The following LAMC1 variants were observed in gnomAD, a reference collection of about 807,000 sequenced individuals.
The protein encoded by LAMC1 is laminin subunit gamma-1.
In LAMC1, 38 loss-of-function variants were observed where a neutral mutation model predicts 173.6. The ratio of observed to expected loss-of-function variants is 0.22; its 90% CI spans 0.17 to 0.29. The LOEUF is 0.29. Among genes scored for constraint, LAMC1 ranks in the 10% least tolerant of loss-of-function variants. The probability of loss-of-function intolerance (pLI) is 1.00; values close to 1 mark genes in which losing one functional copy is unlikely to be tolerated. For synonymous variants in LAMC1, 746 were observed against 749.1 expected (o/e 1.00, Z 0.07); for missense variants, 1,824 against 2,051.8 (o/e 0.89, Z 2.14).
chr1:183,124,587 G>A, intron 13 of LAMC1, 44 bp from the exon 14 acceptor site: 3 of 1,611,492 alleles, frequency 1.9e-6, no homozygotes, highest in Non-Finnish European at 2.5e-6. Context: ...CACCAAAAAT[G>A]TCTAAGGCCT....
chr1:183,133,417 C>A lies in LAMC1; in HGVS notation c.3716C>A (p.Ala1239Glu), dbSNP rs570356361. Residue 1239 changes from alanine (A) to glutamate (E), a missense_variant, in exon 22 of 28, where the codon GCG becomes GAG. Ala to Glu is a moderately radical substitution (Grantham distance 107). Transcript: ENST00000258341. ...TATTTGTGTCTTAGGTATGAACAAG[C>A]GAAGAACATCTCACAGGATCTGGAA... ...IEELNRKYEQAKNISQDLEKQ... is the reference protein window; with the variant it reads ...IEELNRKYEQEKNISQDLEKQ... 1.2e-5 allele frequency: 19 copies of A among 1,613,236 alleles called. No individual in the cohort carries two copies. Among genetic ancestry groups the A allele is most frequent in the East Asian group, 8.9e-5 (4 of 44,856 alleles).
rs1226336319 is a variant in LAMC1, at chr1:183,122,237, C to T, written c.2387C>T (p.Pro796Leu). Residue 796 changes from proline to leucine, a missense_variant, in exon 13 of 28, where the codon CCT (proline) becomes CTT (leucine). Physicochemically the swap from Pro to Leu is moderately conservative, Grantham distance 98. Coordinates refer to ENST00000258341, the MANE Select transcript of LAMC1 (RefSeq NM_002293.4). ...KTKEVVCTNC[P>L]TGTTGKRCEL... ...AAGGAGGTGGTGTGCACCAACTGTCCTACTGGCACCACTGGTAAGTCTGCT... is the reference window on the plus strand; with the variant it reads ...AAGGAGGTGGTGTGCACCAACTGTCTTACTGGCACCACTGGTAAGTCTGCT... The T allele has an allele frequency of 6.2e-7, 1 of 1,614,044 alleles. No individual in the cohort carries two copies. Among genetic ancestry groups the T allele is most frequent in the South Asian group, 1.1e-5 (1 of 91,062 alleles).
Position 183,145,030 on chromosome 1 carries a change from T to C in LAMC1, c.*2240T>C, listed in dbSNP as rs1184377280. 6.6e-6 allele frequency: 1 copy of C among 152,192 alleles called. No homozygotes were observed. The highest frequency in any genetic ancestry group is 1.9e-4 in the East Asian group (1 of 5,198). 9.4% of individuals were successfully genotyped at this position (152,192 alleles called of 1,614,324 possible). ...CGTCATTGTTTCCTGGCTAGTTCAT[T>C]TCATTAAGTGGCTACATCCTAACAT... On this transcript the variant is annotated 3_prime_UTR_variant, in exon 28 of 28. Coordinates refer to ENST00000258341, the MANE Select transcript of LAMC1 (RefSeq NM_002293.4).
Position 183,108,418 on chromosome 1 carries a change from A to G in LAMC1, c.854+12A>G, listed in dbSNP as rs1656049628. On this transcript the variant is annotated intron_variant, in intron 3 of 27. Coordinates refer to ENST00000258341, the MANE Select transcript of LAMC1 (RefSeq NM_002293.4). ...GCTGTAGGTGGCAGGTAAGTAAACTATTAAATTAGTCTTGAAAGTGTTTGG... is the reference window on the plus strand; with the variant it reads ...GCTGTAGGTGGCAGGTAAGTAAACTGTTAAATTAGTCTTGAAAGTGTTTGG... 1.2e-6 allele frequency: 2 copies of G among 1,608,212 alleles called. No homozygotes were observed. The highest frequency in any genetic ancestry group is 1.7e-5 in the Admixed American group (1 of 59,350).
chr1:183,079,108 T>G (rs960454605), intron 1 of LAMC1, among the ~76,000 whole-genome samples: 15 of 152,112 alleles, frequency 9.9e-5, no homozygotes, highest in African/African-American at 3.1e-4. Flanking sequence ...ACATTATTTT[T>G]AGACAGAACC....
intron 22 of LAMC1, among the ~76,000 whole-genome samples, chr1:183,134,165 G>A (rs1232291686): frequency 6.6e-6 from 1 of 151,674 alleles, no homozygotes; most frequent in Non-Finnish European, 1.5e-5. Flanking sequence ...TATTTTTTTT[G>A]CATTAAGCTT....
At position 183,098,340 on chromosome 1, in the gene LAMC1, G is replaced by A. The variant is rs577442590; in HGVS notation, c.419-4988G>A. On this transcript the variant is annotated intron_variant, in intron 1 of 27. Transcript: ENST00000258341. ...TAATTCCAGATAACACACATACCTC[G>A]CACTTTGACCCCTCTATTCCATTTT... 3.9e-5 allele frequency among the ~76,000 whole-genome samples: 6 copies of A among 152,214 alleles called. No individual in the cohort carries two copies. In the South Asian group the frequency reaches 6.2e-4, roughly 16 times the overall value.
At position 183,110,562 on chromosome 1, in the gene LAMC1, A is replaced by C; in HGVS notation, c.929A>C (p.Asn310Thr). Residue 310 changes from asparagine to threonine, a missense_variant, in exon 4 of 28, where the codon AAC (asparagine) becomes ACC (threonine). Coordinates refer to ENST00000258341, the MANE Select transcript of LAMC1 (RefSeq NM_002293.4). ...AAGCTGGTGTGTAATTGCAAACATA[A>C]CACATATGGAGTAGACTGTGAAAAG... Reference protein sequence around the residue: ...FDKLVCNCKHNTYGVDCEKCL... With the variant: ...FDKLVCNCKHTTYGVDCEKCL... 1 of 1,614,024 alleles carries C rather than the reference A, an allele frequency of 6.2e-7. No individual in the cohort carries two copies.
intron 27 of LAMC1, among the ~76,000 whole-genome samples, chr1:183,141,460 C>A (rs1030744692): frequency 2.0e-5 from 3 of 152,212 alleles, no homozygotes; most frequent in African/African-American, 7.2e-5. Context: ...TCTATGCATA[C>A]GGAAACCTTC....
At chr1:183,052,094 CCT>C (rs1295489452) in intron 1 of LAMC1, among the ~76,000 whole-genome samples, 1 of 152,154 alleles carries the variant, frequency 6.6e-6, no homozygotes, top group Non-Finnish European at 1.5e-5. Context: ...CATACAGCCC[CCT>C]GATTGCAACT....
intron 1 of LAMC1, among the ~76,000 whole-genome samples, chr1:183,037,605 C>G (rs1654016180): frequency 6.6e-6 from 1 of 152,126 alleles, no homozygotes; most frequent in Non-Finnish European, 1.5e-5. Context: ...ACTTTGATGT[C>G]TGTGTATGTG....
chr1:183,087,717 A>G (rs549400692), intron 1 of LAMC1, among the ~76,000 whole-genome samples: 1 of 152,114 alleles, frequency 6.6e-6, no homozygotes, highest in Non-Finnish European at 1.5e-5. Flanking sequence ...CCAATAGAGG[A>G]CTAGAGGCTT....
intron 1 of LAMC1, among the ~76,000 whole-genome samples, chr1:183,101,124 A>G (rs939755239): frequency 6.6e-6 from 1 of 152,082 alleles, no homozygotes; most frequent in South Asian, 2.1e-4. Context: ...TTGGGTTGCT[A>G]AAGAACAATG....
At chr1:183,128,775 A>T in intron 18 of LAMC1, 25 bp downstream of exon 18, 1 of 1,556,314 alleles carries the variant, frequency 6.4e-7, no homozygotes, top group Non-Finnish European at 8.7e-7. Flanking sequence ...ACAGTGCATG[A>T]CTTCTGTGAG....
chr1:183,140,005 G>A (rs964511313), intron 26 of LAMC1, among the ~76,000 whole-genome samples: 2 of 152,082 alleles, frequency 1.3e-5, no homozygotes, highest in Non-Finnish European at 2.9e-5. Context: ...TGAAGGACAT[G>A]TTTTGGTTCT....
chr1:183,133,715 G>T (rs1656862855), intron 22 of LAMC1, among the ~76,000 whole-genome samples, 165 bp downstream of exon 22: 2 of 152,160 alleles, frequency 1.3e-5, no homozygotes, highest in South Asian at 4.1e-4. Context: ...AGATGTGGTG[G>T]CTCATGCCTG....
intron 27 of LAMC1, 27 bp from the exon 28 acceptor site, chr1:183,142,507 T>C (rs925193555): frequency 1.9e-6 from 3 of 1,581,332 alleles, no homozygotes; most frequent in Non-Finnish European, 2.6e-6. Flanking sequence ...ATGTCTGTTC[T>C]CTTCTATGTA....
intron 4 of LAMC1, among the ~76,000 whole-genome samples, 183 bp downstream of exon 4, chr1:183,110,837 C>T (rs1001663587): frequency 6.6e-6 from 1 of 152,200 alleles, no homozygotes; most frequent in African/African-American, 2.4e-5. Flanking sequence ...ACTGTAAAGG[C>T]AAACTGAGGG....
intron 1 of LAMC1, among the ~76,000 whole-genome samples, chr1:183,070,462 C>G (rs1654983192): frequency 6.6e-6 from 1 of 152,140 alleles, no homozygotes; most frequent in African/African-American, 2.4e-5. Context: ...TCCTGGGATA[C>G]TTCCAGTTTT....
Sources: allele counts gnomAD v4.1 joint callset (sites outside exome capture counted in the v4.1 genomes callset), GRCh38; gene constraint gnomAD v4.1.1; transcripts MANE v1.5; gene names NCBI Gene and HGNC (gene_info 2026-07-23, HGNC 2026-07-21).